Variants in CRB1 observed in about 807,000 individuals in gnomAD.
The protein encoded by CRB1 is crumbs cell polarity complex component 1.
Under a neutral mutation model 120.0 loss-of-function variants are expected in CRB1, and 83 were observed. The observed-to-expected ratio is 0.69, with a 90% confidence interval of 0.58 to 0.83. The LOEUF is 0.83. Ranked by LOEUF, CRB1 falls within the 40% of genes least tolerant of loss-of-function variation. CRB1 has a pLI of 0.00. For missense variants in CRB1, 1,699 were observed against 1,687.6 expected (o/e 1.01, Z -0.12); for synonymous variants, 625 against 612.5 (o/e 1.02, Z -0.30).
the CRB1 span, among the ~76,000 whole-genome samples, chr1:197,255,606 G>A: frequency 1.3e-5 from 2 of 152,106 alleles, no homozygotes; most frequent in Non-Finnish European, 1.5e-5. Context: ...GGCACATAAT[G>A]CCTGTTTTGG....
rs532997688 is a variant in CRB1, at chr1:197,384,825, G to A, written c.1171+27812G>A. Among the ~76,000 whole-genome samples, 87 of 152,178 alleles carry A rather than the reference G, an allele frequency of 5.7e-4. 1 individual carries two copies. Among genetic ancestry groups the A allele is most frequent in the African/African-American group, 1.7e-3 (72 of 41,532 alleles). On this transcript the variant is annotated intron_variant, in intron 5 of 11. Transcript: ENST00000367400. Reference sequence around the variant, plus strand: ...ATATTGCTCATTTGCCCTGTGTGCCGTAGTCAGTGCTTTAGAAAGATTTGT... The same window carrying A: ...ATATTGCTCATTTGCCCTGTGTGCCATAGTCAGTGCTTTAGAAAGATTTGT...
At chr1:197,365,488 A>G (rs1415897416) in intron 5 of CRB1, among the ~76,000 whole-genome samples, 1 of 152,056 alleles carries the variant, frequency 6.6e-6, no homozygotes, top group Non-Finnish European at 1.5e-5. Flanking sequence ...CTTGCCTATG[A>G]TGCCTCTGGG....
intron 2 of CRB1, among the ~76,000 whole-genome samples, chr1:197,330,286 A>G (rs1165017505): frequency 4.6e-5 from 7 of 152,088 alleles, no homozygotes; most frequent in African/African-American, 1.7e-4. Flanking sequence ...TGTGTGTACT[A>G]CTACACAACC....
chr1:197,241,876 G>A, the CRB1 span, among the ~76,000 whole-genome samples: 1 of 151,986 alleles, frequency 6.6e-6, no homozygotes, highest in Non-Finnish European at 1.5e-5. Context: ...TTGAGCAGTG[G>A]TTTGTAATTC....
At position 197,292,923 on chromosome 1, in the gene CRB1, G is replaced by T. The variant is rs183132031; in HGVS notation, c.70+24441G>T. Among the ~76,000 whole-genome samples, 9 of 152,100 alleles carry T rather than the reference G, an allele frequency of 5.9e-5. 1 individual carries two copies. The East Asian group carries it at 1.7e-3, about 30-fold the overall frequency. The stretch of plus-strand genomic sequence containing the variant: ...TGATGGGACATATCTCAAAAAATAA[G>T]ATCTGTTTATGACAAACCCACAGCC... On this transcript the variant is annotated intron_variant, in intron 1 of 11. Transcript: ENST00000367400.
the CRB1 span, among the ~76,000 whole-genome samples, chr1:197,222,006 T>C: frequency 6.6e-6 from 1 of 152,222 alleles, no homozygotes; most frequent in Non-Finnish European, 1.5e-5. Context: ...ATATCAAATA[T>C]ATAGTGGAGG....
At chr1:197,370,754 A>G (rs1014585591) in intron 5 of CRB1, among the ~76,000 whole-genome samples, 2 of 152,158 alleles carry the variant, frequency 1.3e-5, no homozygotes, top group Non-Finnish European at 2.9e-5. Flanking sequence ...TGCACTGCTC[A>G]CTACCTCTTT....
Position 197,421,649 on chromosome 1 carries a change from T to G in CRB1, c.1821T>G (p.Ala607=). 1 of 1,614,230 alleles carries G rather than the reference T, an allele frequency of 6.2e-7. No individual in the cohort carries two copies. Among genetic ancestry groups the G allele is most frequent in the Non-Finnish European group, 8.5e-7 (1 of 1,180,038 alleles). ...TTGAAAGTGATCAATCAATATGTGC[T>G]TTTCAGAACTCCTTTTTGGGTGGTT... The part of the protein sequence containing the change: ...TPLESDQSIC[A]FQNSFLGGLP... Residue 607 remains alanine, a synonymous_variant, in exon 6 of 12, where the codon GCT becomes GCG. Coordinates refer to ENST00000367400, the MANE Select transcript of CRB1 (RefSeq NM_201253.3).
chr1:197,360,154 G>T (rs1480761440), intron 5 of CRB1, among the ~76,000 whole-genome samples: 1 of 152,176 alleles, frequency 6.6e-6, no homozygotes, highest in African/African-American at 2.4e-5. Context: ...ATAAGAATGG[G>T]CCTTGGGCCT....
intron 5 of CRB1, among the ~76,000 whole-genome samples, chr1:197,384,206 T>A (rs1662098807): frequency 6.6e-6 from 1 of 152,110 alleles, no homozygotes; most frequent in African/African-American, 2.4e-5. Context: ...TCATCCCAAA[T>A]CTCACAAATG....
At chr1:197,391,881 G>A (rs981454049) in intron 5 of CRB1, among the ~76,000 whole-genome samples, 18 of 152,148 alleles carry the variant, frequency 1.2e-4, no homozygotes, top group African/African-American at 4.1e-4. Context: ...TCAAGTCTAG[G>A]ATAGAGTCAG....
intron 11 of CRB1, among the ~76,000 whole-genome samples, chr1:197,462,983 T>C (rs1216761106): frequency 6.6e-6 from 1 of 152,056 alleles, no homozygotes; most frequent in Non-Finnish European, 1.5e-5. Flanking sequence ...GTTGGCTTGA[T>C]ACCTTGTTTC....
At chr1:197,236,450 C>T in the CRB1 span, among the ~76,000 whole-genome samples, 7 of 152,100 alleles carry the variant, frequency 4.6e-5, no homozygotes, top group South Asian at 2.1e-4. Context: ...CCAACTGCCT[C>T]GGCCTCCCAA....
intron 5 of CRB1, among the ~76,000 whole-genome samples, chr1:197,386,673 G>A (rs182580629): frequency 1.1e-4 from 16 of 152,202 alleles, no homozygotes; most frequent in Admixed American, 5.9e-4. Context: ...TAGCCATCAC[G>A]TGCTCCTCTT....
chr1:197,268,875 A>G (rs925458171), intron 1 of CRB1, among the ~76,000 whole-genome samples: 3 of 152,160 alleles, frequency 2.0e-5, no homozygotes, highest in Non-Finnish European at 2.9e-5. Context: ...ATTCCCACAT[A>G]CTATATATTT....
chr1:197,445,953 G>A (rs1208737038), intron 11 of CRB1, among the ~76,000 whole-genome samples: 1 of 152,200 alleles, frequency 6.6e-6, no homozygotes, highest in Non-Finnish European at 1.5e-5. Flanking sequence ...ACTTTGGGAA[G>A]CCGAGGTGGG....
chr1:197,328,584 C>A lies in CRB1; in HGVS notation c.233C>A (p.Pro78His). Residue 78 changes from proline (P) to histidine (H), a missense_variant, in exon 2 of 12, where the codon CCC becomes CAC. Pro to His is a moderately conservative substitution (Grantham distance 77). Transcript: ENST00000367400. ...DNMKDPCFSN[P>H]CQGSATCVNT... The stretch of plus-strand genomic sequence containing the variant: ...ATGAAAGACCCTTGCTTCTCCAATC[C>A]CTGTCAAGGAAGTGCCACTTGTGTG... 1 of 1,614,146 alleles carries A rather than the reference C, an allele frequency of 6.2e-7. No homozygotes were observed. Among genetic ancestry groups the A allele is most frequent in the Non-Finnish European group, 8.5e-7 (1 of 1,180,026 alleles).
At position 197,322,210 on chromosome 1, in the gene CRB1, G is replaced by T. The variant is rs565600374; in HGVS notation, c.71-6212G>T. Among the ~76,000 whole-genome samples, 3 of 152,238 alleles carry T rather than the reference G, an allele frequency of 2.0e-5. No individual in the cohort carries two copies. In the South Asian group the frequency reaches 6.2e-4, roughly 32 times the overall value. ...ATAGTTTTTACACTGGCCAGGTACG[G>T]TGGCTCATGCCTGTAATCCCAGCAC... On this transcript the variant is annotated intron_variant, in intron 1 of 11. Coordinates refer to ENST00000367400, the MANE Select transcript of CRB1 (RefSeq NM_201253.3).
At position 197,421,208 on chromosome 1, in the gene CRB1, C is replaced by G; in HGVS notation, c.1380C>G (p.Phe460Leu). The G allele has an allele frequency of 6.2e-7, 1 of 1,614,220 alleles. No individual in the cohort carries two copies. The highest frequency in any genetic ancestry group is 8.5e-7 in the Non-Finnish European group (1 of 1,180,040). ...ATAATGGAACATGCATCCCTCACTT[C>G]CAAGATGGCCAGCATGGATTCAGCT... ...CLNNGTCIPH[F>L]QDGQHGFSCL... Residue 460 changes from phenylalanine (F) to leucine (L), a missense_variant, in exon 6 of 12, where the codon TTC becomes TTG. Transcript: ENST00000367400.
Sources: gnomAD v4.1 joint callset for allele counts (sites outside exome capture counted in the v4.1 genomes callset) on GRCh38, gnomAD v4.1.1 for gene constraint, MANE v1.5 for transcripts, NCBI Gene and HGNC (gene_info 2026-07-23, HGNC 2026-07-21) for gene names.